SLC22A2: variants seen among roughly 807,000 people sequenced by gnomAD.
The protein encoded by SLC22A2 is organic cation transporter 2.
Under a neutral mutation model 60.5 loss-of-function variants are expected in SLC22A2, and 46 were observed. The observed-to-expected ratio is 0.76, with a 90% CI of 0.60 to 0.97. The LOEUF is 0.97. Ranked by LOEUF, SLC22A2 falls within the 50% of genes least tolerant of loss-of-function variation. The pLI, the probability that SLC22A2 is intolerant of heterozygous loss-of-function variation, is 0.00. For synonymous variants in SLC22A2, 303 were observed against 267.0 expected, an observed-to-expected ratio of 1.13 and a Z score of -1.31; for missense variants, 701 against 706.6, an observed-to-expected ratio of 0.99 and a Z score of 0.09.
At chr6:160,256,967 C>T (rs575409390) in intron 1 of SLC22A2, among the ~76,000 whole-genome samples, 28 of 146,718 alleles carry the variant, frequency 1.9e-4, no homozygotes, top group Non-Finnish European at 2.8e-4. Context: ...CAGTGGTGAT[C>T]ATGGCTCACT....
intron 10 of SLC22A2, among the ~76,000 whole-genome samples, chr6:160,218,661 C>A (rs1782581515): frequency 2.2e-5 from 1 of 44,482 alleles, no homozygotes; most frequent in South Asian, 7.9e-4. Context: ...ACAATAGTAT[C>A]AGTAATAGCA....
At chr6:160,243,226 T>A (rs2114864126) in intron 7 of SLC22A2, among the ~76,000 whole-genome samples, 1 of 152,080 alleles carries the variant, frequency 6.6e-6, no homozygotes, top group Non-Finnish European at 1.5e-5. Flanking sequence ...TGCAGGGAGG[T>A]CAAGAGAGTC....
intron 9 of SLC22A2, among the ~76,000 whole-genome samples, chr6:160,234,828 A>C (rs1782885547): frequency 6.6e-6 from 1 of 152,234 alleles, no homozygotes; most frequent in South Asian, 2.1e-4. Flanking sequence ...AGGCTTCACC[A>C]TTTTACAATG....
At chr6:160,245,567 A>T in intron 5 of SLC22A2, 22 bp from the exon 6 acceptor site, 1 of 1,492,168 alleles carries the variant, frequency 6.7e-7, no homozygotes, top group South Asian at 1.2e-5. Flanking sequence ...AATAGAAAGG[A>T]CGGCTTTGTA....
Position 160,256,903 on chromosome 6 carries a change from T to A in SLC22A2, c.415-186A>T, listed in dbSNP as rs201300149. 7.3e-3 allele frequency among the ~76,000 whole-genome samples: 927 copies of A among 127,804 alleles called. 21 individuals are homozygous for A. The highest frequency in any genetic ancestry group is 0.02 in the Middle Eastern group (5 of 256). 83.8% of individuals were successfully genotyped at this position (127,804 alleles called of 152,430 possible). A position where few individuals can be genotyped will look rare whatever the true frequency, so the allele number is the denominator to read the frequency against. On this transcript the variant is annotated intron_variant, in intron 1 of 10. Coordinates refer to ENST00000366953, the MANE Select transcript of SLC22A2 (RefSeq NM_003058.4). ...TTTCTTCTTCTTCTCTCTCTCTCTC[T>A]TTTTTTTTTTTTTTTGTGAGACAGG...
intron 9 of SLC22A2, among the ~76,000 whole-genome samples, chr6:160,230,534 C>A (rs1163083384): frequency 6.6e-6 from 1 of 151,912 alleles, no homozygotes; most frequent in Non-Finnish European, 1.5e-5. Context: ...AATAAAGCTC[C>A]AAAAATTAAA....
intron 2 of SLC22A2, among the ~76,000 whole-genome samples, chr6:160,254,019 T>C (rs1225564035): frequency 6.6e-6 from 1 of 152,220 alleles, no homozygotes; most frequent in African/African-American, 2.4e-5. Context: ...GGCTCATGCC[T>C]ATAATCCCAG....
chr6:160,224,497 C>A (rs150356795), intron 10 of SLC22A2, among the ~76,000 whole-genome samples: 4 of 152,180 alleles, frequency 2.6e-5, no homozygotes, highest in Admixed American at 1.3e-4. Context: ...TTTAGAAAGA[C>A]CTTCTCCACG....
Position 160,242,419 on chromosome 6 carries a change from C to T in SLC22A2, c.1280-17G>A. 1.5e-6 allele frequency: 2 copies of T among 1,326,488 alleles called. No homozygotes were observed. The highest frequency in any genetic ancestry group is 1.1e-6 in the Non-Finnish European group (1 of 917,464). The allele number at this position is 1,326,488 out of a possible 1,614,324, so 82.2% of individuals were successfully genotyped here. On this transcript the variant is annotated splice_polypyrimidine_tract_variant and intron_variant, in intron 7 of 10. Coordinates refer to ENST00000366953, the MANE Select transcript of SLC22A2 (RefSeq NM_003058.4). ...ATTGTAGATCTAAGAGGGAAAAGAA[C>T]AGTACTTATCCGTACACAGATGATT...
At position 160,249,526 on chromosome 6, in the gene SLC22A2, G is replaced by GT. The variant is rs1184163062; in HGVS notation, c.674-143dup. 2.8e-5 allele frequency: 19 copies of GT among 666,856 alleles called. 1 individual carries two copies. The highest frequency in any genetic ancestry group is 4.1e-5 in the Non-Finnish European group (16 of 392,902). The allele number at this position is 666,856 out of a possible 1,614,324, so 41.3% of individuals were successfully genotyped here. ...CGCAACTCTCTGAATATTTTTAAGT[G>GT]TTTTTTGGTTTTTATTTTGTTATAA... On this transcript the variant is annotated intron_variant, in intron 3 of 10. Transcript: ENST00000366953.
chr6:160,217,625 A>G, intron 10 of SLC22A2, 127 bp from the exon 11 acceptor site: 1 of 625,376 alleles, frequency 1.6e-6, no homozygotes. Context: ...TTAGTCTTGC[A>G]ATGTGTTCTG....
chr6:160,233,553 C>A (rs1466669524), intron 9 of SLC22A2, among the ~76,000 whole-genome samples: 3 of 151,900 alleles, frequency 2.0e-5, no homozygotes, highest in African/African-American at 7.3e-5. Context: ...TTACACTGAA[C>A]CCCCTTGGAC....
chr6:160,235,067 G>T (rs1782889296), intron 9 of SLC22A2, among the ~76,000 whole-genome samples: 1 of 152,154 alleles, frequency 6.6e-6, no homozygotes, highest in African/African-American at 2.4e-5. Flanking sequence ...TAACAGCCTG[G>T]AACTCCTTGG....
intron 9 of SLC22A2, among the ~76,000 whole-genome samples, chr6:160,234,128 C>T (rs767629531): frequency 7.9e-5 from 12 of 151,982 alleles, no homozygotes; most frequent in East Asian, 1.9e-4. Flanking sequence ...TTGTGACCCC[C>T]GCCCCTGCCT....
intron 6 of SLC22A2, chr6:160,244,041 T>C: frequency 4.8e-6 from 2 of 417,760 alleles, no homozygotes; most frequent in Non-Finnish European, 8.6e-6. Flanking sequence ...TAATGTTTCC[T>C]GGACAAATTG....
intron 9 of SLC22A2, among the ~76,000 whole-genome samples, chr6:160,239,658 C>T (rs1782966740): frequency 6.6e-6 from 1 of 152,116 alleles, no homozygotes; most frequent in African/African-American, 2.4e-5. Flanking sequence ...TGGGTACCTC[C>T]TCATGATGAA....
At chr6:160,243,382 T>C (rs894534394) in intron 7 of SLC22A2, among the ~76,000 whole-genome samples, 190 bp downstream of exon 7, 6 of 151,772 alleles carry the variant, frequency 4.0e-5, no homozygotes, top group African/African-American at 4.8e-5. Context: ...CAAGGAAAAA[T>C]TGGGTACAAT....
intron 10 of SLC22A2, chr6:160,218,405 A>G (rs1482187102): frequency 3.7e-6 from 1 of 268,388 alleles, no homozygotes; most frequent in East Asian, 1.1e-4. Context: ...AATAGTAGCA[A>G]CAGCAGCAAC....
In SLC22A2 at chr6:160,241,605, A is replaced by G; in HGVS notation, c.1389-19T>C. 5 of 1,520,884 alleles carry G rather than the reference A, an allele frequency of 3.3e-6. No homozygotes were observed. The highest frequency in any genetic ancestry group is 1.4e-5 in the African/African-American group (1 of 73,148). The allele number at this position is 1,520,884 out of a possible 1,614,324, so 94.2% of individuals were successfully genotyped here. The stretch of plus-strand genomic sequence containing the variant: ...AAGATTCCTAGAATGCAGGAAACTG[A>G]TTTAACTTGTTAACTTATCACAGTG... On this transcript the variant is annotated intron_variant, in intron 8 of 10. Coordinates refer to ENST00000366953, the MANE Select transcript of SLC22A2 (RefSeq NM_003058.4).
Sources: allele counts gnomAD v4.1 joint callset (sites outside exome capture counted in the v4.1 genomes callset), GRCh38; gene constraint gnomAD v4.1.1; transcripts MANE v1.5; gene names NCBI Gene and HGNC (gene_info 2026-07-23, HGNC 2026-07-21).